ARHGEF12: variants seen among roughly 807,000 people sequenced by gnomAD.
ARHGEF12 encodes KMT2A/ARHGEF12 fusion protein.
Under a neutral mutation model 211.2 loss-of-function variants are expected in ARHGEF12, and 66 were observed. The ratio of observed to expected loss-of-function variants is 0.31; its 90% CI spans 0.26 to 0.38. The LOEUF (loss-of-function observed/expected upper bound fraction) is 0.38. Among genes scored for constraint, ARHGEF12 ranks in the 10% least tolerant of loss-of-function variants. ARHGEF12 has a pLI of 1.00. For missense variants in ARHGEF12, 1,429 were observed against 1,869.5 expected (o/e 0.76, Z 4.34); for synonymous variants, 592 against 638.4 (o/e 0.93, Z 1.09).
chr11:120,486,365 C>T lies in ARHGEF12; in HGVS notation c.*1288C>T, dbSNP rs1035841989. The T allele has an allele frequency of 4.3e-6, 1 of 232,992 alleles. No homozygotes were observed. The highest frequency in any genetic ancestry group is 2.2e-5 in the African/African-American group (1 of 45,334). 14.4% of individuals were successfully genotyped at this position (232,992 alleles called of 1,614,324 possible). A position where few individuals can be genotyped will look rare whatever the true frequency, so the allele number is the denominator to read the frequency against. On this transcript the variant is annotated 3_prime_UTR_variant, in exon 41 of 41. Transcript: ENST00000397843. ...GACTTCACTGCCGCAGCTCTTTCCA[C>T]ACGGGGCCGTGATTGACCCTAAAAA... is the stretch of plus-strand genomic sequence containing the variant.
chr11:120,477,373 A>AT, intron 35 of ARHGEF12, 68 bp downstream of exon 35: 1 of 1,571,730 alleles, frequency 6.4e-7, no homozygotes, highest in Non-Finnish European at 8.7e-7. Flanking sequence ...TAGGATAATT[A>AT]TTATGTTTTG....
chr11:120,471,554 C>T (rs1439068615), intron 30 of ARHGEF12, among the ~76,000 whole-genome samples: 3 of 152,098 alleles, frequency 2.0e-5, no homozygotes, highest in Admixed American at 6.6e-5. Flanking sequence ...AATGTGTAAG[C>T]ACTTGTCAAA....
In ARHGEF12 at chr11:120,485,358, C is replaced by G. The variant is rs3740740; in HGVS notation, c.*281C>G. On this transcript the variant is annotated 3_prime_UTR_variant, in exon 41 of 41. Transcript: ENST00000397843. The stretch of plus-strand genomic sequence containing the variant: ...CAGAATAAAAACCAAATGTATAGAG[C>G]TTTGGGTGTAGGATATGAAATTGTA... 4,723 of 364,998 alleles carry G rather than the reference C, an allele frequency of 0.013. 278 individuals are homozygous for G. In the South Asian group the frequency reaches 0.19, roughly 15 times the overall value. The allele number at this position is 364,998 out of a possible 1,614,324, so 22.6% of individuals were successfully genotyped here. A position where few individuals can be genotyped will look rare whatever the true frequency, so the allele number is the denominator to read the frequency against.
intron 39 of ARHGEF12, among the ~76,000 whole-genome samples, chr11:120,483,572 C>T (rs1245444563): frequency 2.0e-5 from 3 of 151,446 alleles, no homozygotes; most frequent in East Asian, 1.9e-4. Flanking sequence ...TACAGGTGCC[C>T]GCCACCACAC....
At chr11:120,409,641 A>G (rs1944822832) in intron 4 of ARHGEF12, 191 bp downstream of exon 4, 1 of 534,704 alleles carries the variant, frequency 1.9e-6, no homozygotes, top group African/African-American at 1.9e-5. Flanking sequence ...TGGAAGCTTA[A>G]GGTTGCTAGA....
chr11:120,423,690 A>T (rs1945264394), intron 6 of ARHGEF12, among the ~76,000 whole-genome samples: 1 of 152,144 alleles, frequency 6.6e-6, no homozygotes, highest in Admixed American at 6.5e-5. Context: ...CTCCAAAATT[A>T]AATGTCATAG....
Position 120,417,144 on chromosome 11 carries a change from AT to A in ARHGEF12, c.200-3608del, listed in dbSNP as rs1470318690. Among the ~76,000 whole-genome samples the A allele has an allele frequency of 5.3e-5, 8 of 152,294 alleles. No individual in the cohort carries two copies. The East Asian group carries it at 1.5e-3, about 29-fold the overall frequency. Reference sequence around the variant, plus strand: ...TTTTATTCAAGTGAGAGGTGCAAACATAGCAAACTCCTTGACTCCAAATACC... The same window carrying A: ...TTTTATTCAAGTGAGAGGTGCAAACAAGCAAACTCCTTGACTCCAAATACC... On this transcript the variant is annotated intron_variant, in intron 4 of 40. Coordinates refer to ENST00000397843, the MANE Select transcript of ARHGEF12 (RefSeq NM_015313.3).
intron 1 of ARHGEF12, among the ~76,000 whole-genome samples, chr11:120,402,904 A>G (rs1010559871): frequency 1.3e-5 from 2 of 152,242 alleles, no homozygotes; most frequent in Non-Finnish European, 2.9e-5. Flanking sequence ...CTGTTTAACA[A>G]TATTAAAGGA....
intron 30 of ARHGEF12, 99 bp from the exon 31 acceptor site, chr11:120,472,951 G>A: frequency 8.6e-7 from 1 of 1,161,962 alleles, no homozygotes; most frequent in South Asian, 1.2e-5. Context: ...CACCACGCCT[G>A]GCCAAAATGG....
chr11:120,423,765 A>G (rs562574026), intron 6 of ARHGEF12, among the ~76,000 whole-genome samples: 1 of 152,218 alleles, frequency 6.6e-6, no homozygotes, highest in Non-Finnish European at 1.5e-5. Context: ...ACACTGATAT[A>G]TTTGTATTTT....
chr11:120,340,200 G>C (rs985908546), intron 1 of ARHGEF12, among the ~76,000 whole-genome samples: 1 of 152,070 alleles, frequency 6.6e-6, no homozygotes, highest in African/African-American at 2.4e-5. Context: ...TGTCTTTCTT[G>C]TATCCCTGAG....
chr11:120,385,562 AG>A, intron 1 of ARHGEF12: 1 of 792,208 alleles, frequency 1.3e-6, no homozygotes, highest in Non-Finnish European at 1.5e-6. Context: ...CTTCAGTGAA[AG>A]GGATGTACCT....
At chr11:120,409,269 G>A in intron 3 of ARHGEF12, 125 bp from the exon 4 acceptor site, 1 of 837,198 alleles carries the variant, frequency 1.2e-6, no homozygotes, top group Non-Finnish European at 1.9e-6. Flanking sequence ...CATCTGTTAT[G>A]TTCATACTTT....
chr11:120,397,863 T>A (rs1565452085), intron 1 of ARHGEF12, among the ~76,000 whole-genome samples: 4 of 152,228 alleles, frequency 2.6e-5, no homozygotes, highest in Admixed American at 2.6e-4. Flanking sequence ...GCTTTAATTT[T>A]TATGAAAATA....
rs1331925883 is a variant in ARHGEF12 at position 120,446,233 on chromosome 11, AT to A, written c.1346-169del. On this transcript the variant is annotated intron_variant, in intron 16 of 40. Coordinates refer to ENST00000397843, the MANE Select transcript of ARHGEF12 (RefSeq NM_015313.3). The stretch of plus-strand genomic sequence containing the variant: ...AATAATAATAATAATAATAATAATA[AT>A]AATAGAGTAAATGAAATCAGAATTC... Among the ~76,000 whole-genome samples the A allele has an allele frequency of 6.9e-4, 99 of 143,694 alleles. No homozygotes were observed. The East Asian group carries it at 0.012, about 17-fold the overall frequency. The allele number at this position is 143,694 out of a possible 152,430, so 94.3% of individuals were successfully genotyped here. A position where few individuals can be genotyped will look rare whatever the true frequency, so the allele number is the denominator to read the frequency against.
intron 4 of ARHGEF12, among the ~76,000 whole-genome samples, chr11:120,416,916 G>A (rs988087882): frequency 2.0e-5 from 3 of 152,006 alleles, no homozygotes; most frequent in East Asian, 1.9e-4. Context: ...TTCCAAATGC[G>A]CCCAGCCAGA....
chr11:120,464,511 G>A (rs1432975982), intron 27 of ARHGEF12: 1 of 152,094 alleles, frequency 6.6e-6, no homozygotes, highest in Non-Finnish European at 1.5e-5. Context: ...GAACCTGGGA[G>A]GCGGAGGTTG....
intron 1 of ARHGEF12, among the ~76,000 whole-genome samples, chr11:120,393,329 A>G (rs1015354213): frequency 8.5e-5 from 13 of 152,366 alleles, no homozygotes; most frequent in African/African-American, 3.1e-4. Flanking sequence ...AGACTTAAAT[A>G]CATTAGTAAT....
In ARHGEF12 at chr11:120,466,661, A is replaced by T. The variant is rs1381967222; in HGVS notation, c.2740-533A>T. ...TTACTACACAGAGCCTTGTTCATTC[A>T]CTTATGCCAAAACAGTAGAGCTGAA... On this transcript the variant is annotated intron_variant, in intron 28 of 40. Transcript: ENST00000397843. 2.6e-5 allele frequency among the ~76,000 whole-genome samples: 4 copies of T among 152,202 alleles called. No individual in the cohort carries two copies. The East Asian group carries it at 7.7e-4, about 29-fold the overall frequency.
Sources: allele counts gnomAD v4.1 joint callset (sites outside exome capture counted in the v4.1 genomes callset), GRCh38; gene constraint gnomAD v4.1.1; transcripts MANE v1.5; gene names NCBI Gene and HGNC (gene_info 2026-07-23, HGNC 2026-07-21).